The following STXBP5 variants were observed in gnomAD, a reference collection of about 807,000 sequenced individuals.
The protein encoded by STXBP5 is syntaxin binding protein 5, also known as syntaxin-binding protein 5.
STXBP5 carries 50 observed loss-of-function variants against 152.4 expected under a neutral mutation model. The ratio of observed to expected loss-of-function variants is 0.33; its 90% CI spans 0.26 to 0.42. STXBP5 has a LOEUF of 0.42. STXBP5 is among the 10% of genes least tolerant of loss of function. The pLI is 1.00. For missense variants in STXBP5, 1,167 were observed against 1,388.6 expected (o/e 0.84, Z 2.54); for synonymous variants, 492 against 494.7 (o/e 0.99, Z 0.07).
At chr6:147,327,941 G>A (rs78684105) in intron 18 of STXBP5, among the ~76,000 whole-genome samples, 5,392 of 152,142 alleles carry the variant, frequency 0.035, 146 homozygotes, top group Admixed American at 0.054. Context: ...TAATTCAAAG[G>A]AATCATTCCC....
intron 7 of STXBP5, among the ~76,000 whole-genome samples, chr6:147,277,544 C>T (rs1290416046): frequency 6.6e-6 from 1 of 152,012 alleles, no homozygotes; most frequent in Non-Finnish European, 1.5e-5. Flanking sequence ...AATTTCTTAT[C>T]AGAACAGTGT....
chr6:147,266,944 A>T, intron 6 of STXBP5, 140 bp from the exon 7 acceptor site: 1 of 695,554 alleles, frequency 1.4e-6, no homozygotes, highest in Non-Finnish European at 2.4e-6. Context: ...GTGATTACTA[A>T]TTAGCAATGC....
intron 9 of STXBP5, among the ~76,000 whole-genome samples, chr6:147,305,718 A>G (rs1320373387): frequency 6.6e-6 from 1 of 152,192 alleles, no homozygotes; most frequent in African/African-American, 2.4e-5. Context: ...TGTAAAATCA[A>G]TAATTATTTA....
At chr6:147,224,431 TAAATA>T (rs1003899796) in intron 2 of STXBP5, among the ~76,000 whole-genome samples, 8 of 152,172 alleles carry the variant, frequency 5.3e-5, no homozygotes, top group African/African-American at 1.4e-4. Context: ...TGTCTCCAGA[TAAATA>T]AAATAAAATA....
At chr6:147,287,763 C>T (rs1314843447) in intron 8 of STXBP5, among the ~76,000 whole-genome samples, 1 of 152,072 alleles carries the variant, frequency 6.6e-6, no homozygotes, top group Non-Finnish European at 1.5e-5. Context: ...AGGAATTGGT[C>T]CTTTTGTTTC....
Position 147,267,675 on chromosome 6 carries a change from T to TTTTTTTG in STXBP5, c.714+528_714+534dup, listed in dbSNP as rs777482231. Among the ~76,000 whole-genome samples the TTTTTTTG allele has an allele frequency of 2.6e-5, 4 of 152,142 alleles. No individual in the cohort carries two copies. In the East Asian group the frequency reaches 5.8e-4, roughly 22 times the overall value. ...CTGCATCCCCATTGTCTTTAACATG[T>TTTTTTTG]TTTTTTGTTTTTTGTTTTTTGTTTT... On this transcript the variant is annotated intron_variant, in intron 7 of 27. Transcript: ENST00000321680.
At chr6:147,292,020 C>T (rs771789971) in intron 9 of STXBP5, among the ~76,000 whole-genome samples, 11 of 152,090 alleles carry the variant, frequency 7.2e-5, no homozygotes, top group Non-Finnish European at 2.9e-5. Context: ...ACTCTAGGGT[C>T]GGGACCCAGC....
At chr6:147,262,099 T>A (rs1779670757) in intron 5 of STXBP5, among the ~76,000 whole-genome samples, 191 bp from the exon 6 acceptor site, 1 of 151,952 alleles carries the variant, frequency 6.6e-6, no homozygotes, top group African/African-American at 2.4e-5. Context: ...GTTATATGAG[T>A]CACCACTTCT....
intron 9 of STXBP5, chr6:147,292,294 T>C (rs1781318387): frequency 2.2e-6 from 1 of 448,996 alleles, no homozygotes; most frequent in African/African-American, 2.0e-5. Flanking sequence ...ATAGCTATAT[T>C]CCAACAATAG....
chr6:147,336,653 T>G (rs536161008), intron 19 of STXBP5, among the ~76,000 whole-genome samples: 2 of 152,046 alleles, frequency 1.3e-5, no homozygotes, highest in South Asian at 4.1e-4. Flanking sequence ...AATAGTTGAG[T>G]GATGCATTAT....
chr6:147,223,400 C>T (rs949747838), intron 2 of STXBP5, among the ~76,000 whole-genome samples: 11 of 151,918 alleles, frequency 7.2e-5, no homozygotes, highest in Non-Finnish European at 8.8e-5. Context: ...TTAAGTCAGT[C>T]AGAAGCTAAT....
intron 2 of STXBP5, among the ~76,000 whole-genome samples, chr6:147,215,908 T>G (rs553158382): frequency 5.3e-5 from 8 of 152,168 alleles, no homozygotes; most frequent in Non-Finnish European, 1.2e-4. Context: ...AAAATATACT[T>G]GCCTTTGTAG....
intron 22 of STXBP5, among the ~76,000 whole-genome samples, chr6:147,357,595 G>A (rs1330510811): frequency 1.3e-5 from 2 of 152,090 alleles, no homozygotes; most frequent in Non-Finnish European, 2.9e-5. Flanking sequence ...TGCGGGTGAG[G>A]AGATCAGCTG....
At chr6:147,272,244 C>G (rs529461158) in intron 7 of STXBP5, among the ~76,000 whole-genome samples, 10 of 152,224 alleles carry the variant, frequency 6.6e-5, no homozygotes, top group Admixed American at 2.6e-4. Flanking sequence ...CTTTGCAACT[C>G]ACTTCATGAG....
chr6:147,354,568 G>T (rs1453737363), intron 22 of STXBP5, among the ~76,000 whole-genome samples: 2 of 151,946 alleles, frequency 1.3e-5, no homozygotes, highest in African/African-American at 4.8e-5. Context: ...ACTCTCAGAG[G>T]CCCAGGATTT....
At chr6:147,249,188 T>C (rs548403454) in intron 4 of STXBP5, among the ~76,000 whole-genome samples, 2 of 151,994 alleles carry the variant, frequency 1.3e-5, no homozygotes, top group African/African-American at 4.8e-5. Flanking sequence ...ACCTCTAACC[T>C]ACAGAAATAA....
At chr6:147,270,208 C>G (rs1017933629) in intron 7 of STXBP5, among the ~76,000 whole-genome samples, 2 of 151,946 alleles carry the variant, frequency 1.3e-5, no homozygotes, top group East Asian at 3.9e-4. Context: ...ACCATCCTAG[C>G]TAACATGGTG....
intron 9 of STXBP5, 124 bp downstream of exon 9, chr6:147,291,296 C>CT (rs1362858753): frequency 3.2e-6 from 2 of 615,904 alleles, no homozygotes; most frequent in Non-Finnish European, 5.0e-6. Context: ...AAATTTTATG[C>CT]TTTTTTTATT....
At chr6:147,358,289 A>C (rs1211495864) in intron 22 of STXBP5, among the ~76,000 whole-genome samples, 1 of 152,192 alleles carries the variant, frequency 6.6e-6, no homozygotes, top group African/African-American at 2.4e-5. Flanking sequence ...TAAAGGTAGA[A>C]AATGGAAAAG....
Sources: gnomAD v4.1 joint callset for allele counts (sites outside exome capture counted in the v4.1 genomes callset) on GRCh38, gnomAD v4.1.1 for gene constraint, MANE v1.5 for transcripts, NCBI Gene and HGNC (gene_info 2026-07-23, HGNC 2026-07-21) for gene names.